NCALD: variants seen among roughly 807,000 people sequenced by gnomAD.
The protein encoded by NCALD is neurocalcin-delta.
In NCALD, 10 loss-of-function variants were observed where a neutral mutation model predicts 18.6. That is an observed-to-expected ratio of 0.54 (90% CI 0.33 to 0.91). The LOEUF is 0.91. Among genes scored for constraint, NCALD ranks in the 40% least tolerant of loss-of-function variants. The pLI, the probability that NCALD is intolerant of heterozygous loss-of-function variation, is 0.03. For synonymous variants in NCALD, 88 were observed against 87.4 expected, an observed-to-expected ratio of 1.01 and a Z score of -0.04; for missense variants, 184 against 247.6, an observed-to-expected ratio of 0.74 and a Z score of 1.72.
intron 3 of NCALD, among the ~76,000 whole-genome samples, chr8:101,902,698 T>C (rs1045947378): frequency 6.6e-6 from 1 of 152,142 alleles, no homozygotes; most frequent in Non-Finnish European, 1.5e-5. Flanking sequence ...AACCTTCAGC[T>C]CCCTCAAATC....
At position 101,763,789 on chromosome 8, in the gene NCALD, G is replaced by T. The variant is rs149972651; in HGVS notation, c.-20+27073C>A. On this transcript the variant is annotated intron_variant, in intron 1 of 3. Coordinates refer to ENST00000220931, the MANE Select transcript of NCALD (RefSeq NM_032041.3). The stretch of plus-strand genomic sequence containing the variant: ...GACATTGGCTTTTTTCTTGCCTTCA[G>T]ACTTGAACTAAAACATTGGCTCTTC... 2.6e-4 allele frequency among the ~76,000 whole-genome samples: 40 copies of T among 152,084 alleles called. 1 individual carries two copies. The East Asian group carries it at 5.6e-3, about 21-fold the overall frequency.
At position 102,012,141 on chromosome 8, in the gene NCALD, T is replaced by G. The variant is rs540139846; in HGVS notation, c.-157+8096A>C. On this transcript the variant is annotated intron_variant, in intron 2 of 6. Transcript: ENST00000311028. ...GCAGAATGCTCTTCCCTTAAGTCAG[T>G]GGCAAACTGGTCTCAGCTGTTGTGG... Among the ~76,000 whole-genome samples, 20 of 121,658 alleles carry G rather than the reference T, an allele frequency of 1.6e-4. No individual in the cohort carries two copies. The South Asian group carries it at 3.8e-3, about 23-fold the overall frequency. 79.8% of individuals were successfully genotyped at this position (121,658 alleles called of 152,430 possible).
chr8:102,087,901 TC>T (rs398112809), intron 1 of NCALD, among the ~76,000 whole-genome samples: 1 of 31,068 alleles, frequency 3.2e-5, no homozygotes, highest in Non-Finnish European at 5.4e-5. Flanking sequence ...AGCAATGCTT[TC>T]CTCTCTCTCT....
At chr8:102,054,188 A>G (rs931432007) in intron 1 of NCALD, among the ~76,000 whole-genome samples, 4 of 152,186 alleles carry the variant, frequency 2.6e-5, no homozygotes, top group African/African-American at 9.6e-5. Context: ...CCATTGTCTC[A>G]GGGGCAGGGA....
chr8:102,102,920 T>C (rs1434357012), intron 1 of NCALD, among the ~76,000 whole-genome samples: 4 of 152,140 alleles, frequency 2.6e-5, no homozygotes, highest in African/African-American at 7.2e-5. Context: ...ATTTTATCAG[T>C]TCACTCGGGA....
chr8:101,719,778 T>C (rs951256353), intron 1 of NCALD, 130 bp from the exon 2 acceptor site: 1 of 826,806 alleles, frequency 1.2e-6, no homozygotes. Flanking sequence ...CCAGTAACAC[T>C]GTCTAGGTTT....
chr8:101,886,485 G>A (rs1057498277), intron 4 of NCALD, among the ~76,000 whole-genome samples: 1 of 152,202 alleles, frequency 6.6e-6, no homozygotes, highest in South Asian at 2.1e-4. Flanking sequence ...ACTAGCTCTC[G>A]TCTGGGGCCA....
At chr8:101,863,411 C>A (rs1199817740) in intron 4 of NCALD, among the ~76,000 whole-genome samples, 1 of 152,196 alleles carries the variant, frequency 6.6e-6, no homozygotes, top group Admixed American at 6.5e-5. Context: ...GACTGTATCA[C>A]CTCTATCACC....
intron 4 of NCALD, among the ~76,000 whole-genome samples, chr8:101,880,014 G>A (rs1255723037): frequency 6.6e-6 from 1 of 151,704 alleles, no homozygotes; most frequent in Admixed American, 6.6e-5. Context: ...GATGGGACTG[G>A]GCGCCGTGGA....
At chr8:101,977,242 A>C (rs571044258) in intron 2 of NCALD, among the ~76,000 whole-genome samples, 1 of 152,046 alleles carries the variant, frequency 6.6e-6, no homozygotes, top group Non-Finnish European at 1.5e-5. Flanking sequence ...CAGTGAAAAA[A>C]AAAAGAAAAA....
intron 1 of NCALD, among the ~76,000 whole-genome samples, chr8:102,097,520 C>T (rs1323413796): frequency 1.3e-5 from 2 of 152,142 alleles, no homozygotes; most frequent in African/African-American, 2.4e-5. Flanking sequence ...ATTCCAGATC[C>T]CTTCCCGGTG....
intron 2 of NCALD, among the ~76,000 whole-genome samples, chr8:101,966,374 C>T (rs149242500): frequency 0.019 from 2,833 of 151,254 alleles, 82 homozygotes; most frequent in African/African-American, 0.065. Context: ...AGCAAACTAT[C>T]GCAGGGACCA....
intron 2 of NCALD, among the ~76,000 whole-genome samples, chr8:101,960,766 C>G (rs149300981): frequency 6.6e-6 from 1 of 152,236 alleles, no homozygotes; most frequent in African/African-American, 2.4e-5. Context: ...TTTTGAGGAC[C>G]CTTTATTTCA....
intron 4 of NCALD, among the ~76,000 whole-genome samples, chr8:101,848,162 T>C (rs1486221542): frequency 6.6e-6 from 1 of 151,786 alleles, no homozygotes; most frequent in East Asian, 1.9e-4. Context: ...ATAAGAAAAA[T>C]AGCTAAAAAT....
chr8:101,900,853 T>A (rs1471024491), intron 3 of NCALD, among the ~76,000 whole-genome samples: 2 of 152,076 alleles, frequency 1.3e-5, no homozygotes, highest in Non-Finnish European at 2.9e-5. Flanking sequence ...TCTAGTTGAT[T>A]GATAATGTTA....
chr8:101,954,534 T>C (rs1397544477), intron 2 of NCALD, among the ~76,000 whole-genome samples: 1 of 152,138 alleles, frequency 6.6e-6, no homozygotes, highest in Non-Finnish European at 1.5e-5. Context: ...ACAATCGTCA[T>C]CCTCTTTCAA....
At position 101,997,719 on chromosome 8, in the gene NCALD, C is replaced by T. The variant is rs372001178; in HGVS notation, c.-157+22518G>A. 5.9e-5 allele frequency among the ~76,000 whole-genome samples: 9 copies of T among 152,148 alleles called. No homozygotes were observed. In the East Asian group the frequency reaches 9.6e-4, roughly 16 times the overall value. Reference sequence around the variant, plus strand: ...TTTTCAGCTCTATTTCTCTGAGCCTCGCAGCAGAAGTTCTTAAATGATCCT... The same window carrying T: ...TTTTCAGCTCTATTTCTCTGAGCCTTGCAGCAGAAGTTCTTAAATGATCCT... On this transcript the variant is annotated intron_variant, in intron 2 of 6. Transcript: ENST00000311028.
intron 1 of NCALD, among the ~76,000 whole-genome samples, chr8:101,764,607 T>C (rs57188631): frequency 0.11 from 16,558 of 152,118 alleles, 2,286 homozygotes; most frequent in African/African-American, 0.32. Context: ...GAAAATGGGA[T>C]AGTTGTTGGC....
chr8:101,692,364 T>G, intron 3 of NCALD: 1 of 985,274 alleles, frequency 1.0e-6, no homozygotes, highest in Non-Finnish European at 1.2e-6. Context: ...CAAAACCCCT[T>G]TGGCAGGCTG....
Sources: allele counts gnomAD v4.1 joint callset (sites outside exome capture counted in the v4.1 genomes callset), GRCh38; gene constraint gnomAD v4.1.1; transcripts MANE v1.5; gene names NCBI Gene and HGNC (gene_info 2026-07-23, HGNC 2026-07-21).